Variants in SPATA45 observed in about 807,000 individuals in gnomAD.
The protein encoded by SPATA45 is spermatogenesis-associated protein 45.
SPATA45 carries 5 observed loss-of-function variants against 7.0 expected under a neutral mutation model. The observed-to-expected ratio is 0.71, with a 90% CI of 0.37 to 1.50. The LOEUF (loss-of-function observed/expected upper bound fraction) is 1.50. SPATA45 is among the 40% of genes most tolerant of loss of function. The pLI is 0.03. For missense variants in SPATA45, 111 were observed against 114.9 expected (o/e 0.97, Z 0.16); for synonymous variants, 40 against 38.7 (o/e 1.03, Z -0.13).
intron 2 of SPATA45, among the ~76,000 whole-genome samples, chr1:212,832,759 G>T (rs1663511883): frequency 6.6e-6 from 1 of 151,400 alleles, no homozygotes; most frequent in Non-Finnish European, 1.5e-5. Context: ...ACCAACTAAG[G>T]TTGCTGTGAG....
chr1:212,841,073 T>C (rs1037635347), intron 1 of SPATA45, among the ~76,000 whole-genome samples: 13 of 152,232 alleles, frequency 8.5e-5, no homozygotes, highest in African/African-American at 3.1e-4. Flanking sequence ...CCCCAGTAGC[T>C]GGGATTACAG....
intron 2 of SPATA45, among the ~76,000 whole-genome samples, chr1:212,830,597 A>G (rs1226866873): frequency 2.7e-5 from 4 of 147,246 alleles, no homozygotes; most frequent in Admixed American, 2.0e-4. Flanking sequence ...GGTTGAACCC[A>G]GGAGGCGGAA....
rs141468897 is a variant in SPATA45, at chr1:212,847,397, G to A, written c.-39+183C>T. Among the ~76,000 whole-genome samples the A allele has an allele frequency of 4.3e-3, 658 of 152,176 alleles. 3 individuals are homozygous for A. Among genetic ancestry groups the A allele is most frequent in the African/African-American group, 0.015 (608 of 41,510 alleles). On this transcript the variant is annotated intron_variant, in intron 1 of 2. Transcript: ENST00000332912. ...ATTGCTTTTGAGCCATTGTAAAGTC[G>A]AAAAATTGTATGTCAAACAATTGTA...
chr1:212,838,421 C>T lies in SPATA45; in HGVS notation c.-38-2234G>A, dbSNP rs968015306. 4.0e-5 allele frequency among the ~76,000 whole-genome samples: 6 copies of T among 151,516 alleles called. No individual in the cohort carries two copies. The South Asian group carries it at 1.3e-3, about 32-fold the overall frequency. ...GCTGAAATGAAAAAGACTGACCAAA[C>T]CATGTGTTAGCAAAGATATGGAGGA... On this transcript the variant is annotated intron_variant, in intron 1 of 2. Transcript: ENST00000332912.
At position 212,835,995 on chromosome 1, in the gene SPATA45, G is replaced by C; in HGVS notation, c.155C>G (p.Pro52Arg). The part of the protein sequence containing the change: ...SLLRVQKRHF[P>R]DAYQSFTDTT... ...ATCAGTAAAGGACTGATAGGCATCC[G>C]GGAAGTGCCTCTTTTGAACTCTCAG... Residue 52 changes from proline to arginine, a missense_variant, in exon 2 of 3, where the codon CCG (proline) becomes CGG (arginine). Transcript: ENST00000332912. 6.2e-7 allele frequency: 1 copy of C among 1,611,142 alleles called. No homozygotes were observed. The highest frequency in any genetic ancestry group is 8.5e-7 in the Non-Finnish European group (1 of 1,177,768).
Position 212,836,093 on chromosome 1 carries a change from T to C in SPATA45, c.57A>G (p.Gln19=), listed in dbSNP as rs189303783. ...TTTTGTTTATCTCCTCCAGGAGATG[T>C]TGTTTGCTTACTCCATGTTTTTTCA... is the stretch of plus-strand genomic sequence containing the variant. The part of the protein sequence containing the change: ...EIMKKHGVSK[Q]HLLEEINKKR... The change falls in exon 2 of 3, where the codon CAA becomes CAG. Residue 19 remains glutamine, a synonymous_variant. Transcript: ENST00000332912. 6.2e-7 allele frequency: 1 copy of C among 1,605,946 alleles called. No individual in the cohort carries two copies. The highest frequency in any genetic ancestry group is 1.3e-5 in the African/African-American group (1 of 74,912).
chr1:212,841,614 A>G (rs1359708281), intron 1 of SPATA45, among the ~76,000 whole-genome samples: 2 of 149,348 alleles, frequency 1.3e-5, no homozygotes, highest in Non-Finnish European at 3.0e-5. Context: ...CTAAATAAGC[A>G]AAGAAGAGGT....
chr1:212,831,353 C>T (rs777191978), intron 2 of SPATA45, among the ~76,000 whole-genome samples: 3 of 150,670 alleles, frequency 2.0e-5, no homozygotes, highest in Non-Finnish European at 4.4e-5. Flanking sequence ...TGCCTATAGT[C>T]CCAGCTACTC....
intron 2 of SPATA45, among the ~76,000 whole-genome samples, chr1:212,832,227 C>T (rs1257268658): frequency 6.6e-6 from 1 of 150,848 alleles, no homozygotes; most frequent in African/African-American, 2.4e-5. Context: ...TGGTCTCGAA[C>T]TCCTGACCTC....
intron 1 of SPATA45, among the ~76,000 whole-genome samples, chr1:212,846,346 G>C (rs1452113671): frequency 3.3e-5 from 5 of 152,042 alleles, no homozygotes; most frequent in Non-Finnish European, 7.4e-5. Flanking sequence ...CCACTGTTTT[G>C]TTTTGTTTTT....
Position 212,839,508 on chromosome 1 carries a change from C to G in SPATA45, c.-38-3321G>C, listed in dbSNP as rs35469677. Among the ~76,000 whole-genome samples the G allele has an allele frequency of 5.2e-4, 79 of 151,112 alleles. 1 individual carries two copies. Among genetic ancestry groups the G allele is most frequent in the African/African-American group, 1.4e-3 (56 of 41,338 alleles). ...TGGCACCTGCCTGTAATCCCAGCTA[C>G]TCAGGAGGCTGAGGTGGAAGGATGG... On this transcript the variant is annotated intron_variant, in intron 1 of 2. Coordinates refer to ENST00000332912, the MANE Select transcript of SPATA45 (RefSeq NM_001024601.3).
rs774090987 is a variant in SPATA45, at chr1:212,836,082, T to C, written c.68A>G (p.Glu23Gly). The C allele has an allele frequency of 6.2e-7, 1 of 1,608,002 alleles. No homozygotes were observed. The highest frequency in any genetic ancestry group is 8.5e-7 in the Non-Finnish European group (1 of 1,174,778). Residue 23 changes from glutamate to glycine, a missense_variant, in exon 2 of 3, where the codon GAG (glutamate) becomes GGG (glycine). Glu to Gly is a moderately conservative substitution (Grantham distance 98). Transcript: ENST00000332912. ...GGATTCACGCTTTTTGTTTATCTCCTCCAGGAGATGTTGTTTGCTTACTCC... is the reference window on the plus strand; with the variant it reads ...GGATTCACGCTTTTTGTTTATCTCCCCCAGGAGATGTTGTTTGCTTACTCC... ...KHGVSKQHLL[E>G]EINKKRESNC...
chr1:212,845,656 C>A (rs1331337561), intron 1 of SPATA45, among the ~76,000 whole-genome samples: 3 of 152,130 alleles, frequency 2.0e-5, no homozygotes, highest in African/African-American at 7.2e-5. Flanking sequence ...TATACTTTCA[C>A]CCTGATGAAG....
intron 1 of SPATA45, among the ~76,000 whole-genome samples, chr1:212,843,889 G>A (rs369687996): frequency 1.3e-5 from 2 of 152,140 alleles, no homozygotes; most frequent in South Asian, 4.1e-4. Flanking sequence ...TATCCACCCT[G>A]TAGTGCCAAA....
At chr1:212,832,015 C>CTTTTTT (rs10645815) in intron 2 of SPATA45, among the ~76,000 whole-genome samples, 2 of 93,556 alleles carry the variant, frequency 2.1e-5, no homozygotes, top group Non-Finnish European at 2.0e-5. Flanking sequence ...CATTTACTTC[C>CTTTTTT]TTTTTTTTTT....
At chr1:212,830,411 C>T (rs962690717) in intron 2 of SPATA45, 150 bp from the exon 3 acceptor site, 3 of 498,102 alleles carry the variant, frequency 6.0e-6, no homozygotes, top group Non-Finnish European at 3.6e-6. Flanking sequence ...GTGGCTCACA[C>T]CTGTAATCCC....
chr1:212,830,308 C>T, intron 2 of SPATA45, 47 bp from the exon 3 acceptor site: 1 of 1,143,404 alleles, frequency 8.7e-7, no homozygotes, highest in African/African-American at 1.6e-5. Flanking sequence ...ACTTATAACA[C>T]ATTTCATGGT....
rs370691394 is a variant in SPATA45, at chr1:212,836,040, C to T, written c.110G>A (p.Arg37Gln). The T allele has an allele frequency of 1.3e-4, 203 of 1,610,962 alleles. 5 individuals carry two copies. Among genetic ancestry groups the T allele is most frequent in the Middle Eastern group, 3.3e-4 (2 of 6,064 alleles). ...KKRESNCLVE[R>Q]SNQVSLLRVQ... ...TCTCAGTAAGCTGACTTGATTGCTT[C>T]GTTCCACCAAGCAGTTGGATTCACG... Residue 37 changes from arginine to glutamine, a missense_variant, in exon 2 of 3, where the codon CGA (arginine) becomes CAA (glutamine). Coordinates refer to ENST00000332912, the MANE Select transcript of SPATA45 (RefSeq NM_001024601.3).
chr1:212,833,597 G>A (rs1663528560), intron 2 of SPATA45, among the ~76,000 whole-genome samples: 2 of 151,432 alleles, frequency 1.3e-5, no homozygotes, highest in African/African-American at 4.8e-5. Flanking sequence ...GGCAGAGGTT[G>A]CAGTGAGCTG....
Sources: allele counts gnomAD v4.1 joint callset (sites outside exome capture counted in the v4.1 genomes callset), GRCh38; gene constraint gnomAD v4.1.1; transcripts MANE v1.5; gene names NCBI Gene and HGNC (gene_info 2026-07-23, HGNC 2026-07-21).